Variants in TEX11 observed in about 807,000 individuals in gnomAD.
TEX11 encodes the protein testis expressed 11, also known as testis-expressed protein 11.
A neutral mutation model predicts 84.4 loss-of-function variants in TEX11; 7 were observed. The observed-to-expected ratio is 0.08, with a 90% confidence interval of 0.05 to 0.16. TEX11 has a LOEUF of 0.16. Ranked by LOEUF, TEX11 falls within the 10% of genes least tolerant of loss-of-function variation. The probability of loss-of-function intolerance (pLI) is 1.00; values close to 1 mark genes in which losing one functional copy is unlikely to be tolerated. For missense variants in TEX11, 551 were observed against 660.5 expected (o/e 0.83, Z 1.82); for synonymous variants, 264 against 222.8 (o/e 1.18, Z -1.64).
intron 8 of TEX11, among the ~76,000 whole-genome samples, chrX:70,833,085 C>T (rs1428284634): frequency 9.1e-6 from 1 of 109,644 alleles, no homozygotes; most frequent in South Asian, 3.9e-4. Flanking sequence ...GCCTGCCCAA[C>T]ATAGCAAAAC....
intron 9 of TEX11, among the ~76,000 whole-genome samples, chrX:70,785,036 A>T (rs771325991): frequency 1.8e-5 from 2 of 112,206 alleles, no homozygotes; most frequent in East Asian, 5.6e-4. Context: ...CTAAGCAAAA[A>T]GAACAAAGCT....
intron 2 of TEX11, among the ~76,000 whole-genome samples, chrX:70,892,530 C>T (rs984937371): frequency 3.6e-5 from 4 of 110,887 alleles, no homozygotes; most frequent in African/African-American, 1.3e-4. Context: ...GTCAGGAGTT[C>T]AAGACCAGCT....
At chrX:70,855,565 CA>C (rs36075950) in intron 5 of TEX11, among the ~76,000 whole-genome samples, 3,986 of 85,109 alleles carry the variant, frequency 0.047, 113 homozygotes, top group Admixed American at 0.15. Context: ...GACTCTGTCT[CA>C]AAAAAAAAAA....
chrX:70,731,922 G>A (rs972188463), intron 11 of TEX11, among the ~76,000 whole-genome samples: 1 of 111,707 alleles, frequency 9.0e-6, no homozygotes, highest in Non-Finnish European at 1.9e-5. Flanking sequence ...CTGGCAAATT[G>A]AATTCAGCAG....
At chrX:70,712,352 T>C (rs1353160481) in intron 13 of TEX11, among the ~76,000 whole-genome samples, 9 of 111,690 alleles carry the variant, frequency 8.1e-5, no homozygotes, top group Non-Finnish European at 3.8e-5. Flanking sequence ...TTGATGGGGA[T>C]TGCATTGAAT....
chrX:70,655,169 A>C (rs761227389), intron 16 of TEX11, among the ~76,000 whole-genome samples: 1 of 111,773 alleles, frequency 8.9e-6, no homozygotes, highest in East Asian at 2.8e-4. Context: ...CCATAAAGGG[A>C]TATTCCAGCA....
intron 9 of TEX11, among the ~76,000 whole-genome samples, chrX:70,791,605 G>A (rs1488680986): frequency 5.4e-5 from 6 of 111,427 alleles, no homozygotes; most frequent in African/African-American, 1.3e-4. Flanking sequence ...CCACATGTTC[G>A]GGCATAAAGC....
chrX:70,655,854 A>C (rs1047440852), intron 16 of TEX11, among the ~76,000 whole-genome samples: 1 of 111,348 alleles, frequency 9.0e-6, no homozygotes, highest in Non-Finnish European at 1.9e-5. Context: ...GTATCTATAC[A>C]ACAACAACAC....
At chrX:70,522,683 G>A in the TEX11 span, among the ~76,000 whole-genome samples, 1 of 107,932 alleles carries the variant, frequency 9.3e-6, no homozygotes, top group African/African-American at 3.4e-5. Context: ...AAAGGCATGT[G>A]CCACCATGCC....
chrX:70,851,803 T>C (rs959974912), intron 7 of TEX11, among the ~76,000 whole-genome samples: 4 of 111,355 alleles, frequency 3.6e-5, no homozygotes, highest in South Asian at 3.8e-4. Flanking sequence ...ACATGGCATA[T>C]TCATACAGTG....
intron 13 of TEX11, among the ~76,000 whole-genome samples, chrX:70,700,341 T>C (rs1405189599): frequency 8.9e-6 from 1 of 111,835 alleles, no homozygotes; most frequent in African/African-American, 3.3e-5. Context: ...AAGTCAAGTC[T>C]ACAGGTACCA....
chrX:70,852,923 T>C lies in TEX11; in HGVS notation c.525+111A>G. The C allele has an allele frequency of 6.9e-6, 5 of 729,549 alleles. No individual in the cohort carries two copies. The East Asian group carries it at 1.7e-4, about 25-fold the overall frequency. 60.1% of individuals were successfully genotyped at this position (729,549 alleles called of 1,213,427 possible). Reference sequence around the variant, plus strand: ...AGATAAAAAGGTCAAATTAATATCCTATAAAAGGCCAGTGACATCTGACTT... The same window carrying C: ...AGATAAAAAGGTCAAATTAATATCCCATAAAAGGCCAGTGACATCTGACTT... On this transcript the variant is annotated intron_variant, in intron 7 of 29. Transcript: ENST00000374333.
chrX:70,537,712 A>G (rs1365475812), intron 28 of TEX11, among the ~76,000 whole-genome samples: 1 of 111,504 alleles, frequency 9.0e-6, no homozygotes, highest in Non-Finnish European at 1.9e-5. Context: ...ACTCAATAGA[A>G]AAGTGTTGCG....
At chrX:70,600,536 C>T (rs2089086102) in intron 24 of TEX11, among the ~76,000 whole-genome samples, 1 of 110,304 alleles carries the variant, frequency 9.1e-6, no homozygotes, top group Non-Finnish European at 1.9e-5. Flanking sequence ...ATCTACAGAA[C>T]TCTCCACCCC....
At chrX:70,687,312 A>G (rs1161861974) in intron 13 of TEX11, among the ~76,000 whole-genome samples, 1 of 112,005 alleles carries the variant, frequency 8.9e-6, no homozygotes, top group Non-Finnish European at 1.9e-5. Flanking sequence ...TACTATCATT[A>G]CAGTTTAAAA....
intron 15 of TEX11, chrX:70,672,979 A>G (rs768239541): frequency 8.1e-6 from 1 of 122,798 alleles, no homozygotes; most frequent in South Asian, 2.9e-4. Flanking sequence ...CACGAGATTG[A>G]TTCTGGACTA....
intron 25 of TEX11, among the ~76,000 whole-genome samples, chrX:70,567,711 A>G (rs1408852687): frequency 3.6e-5 from 4 of 111,049 alleles, no homozygotes; most frequent in South Asian, 3.9e-4. Flanking sequence ...GTAGTTGAGC[A>G]GTTTTGAGTG....
intron 13 of TEX11, among the ~76,000 whole-genome samples, chrX:70,713,201 T>C (rs1307210107): frequency 8.9e-6 from 1 of 111,994 alleles, no homozygotes; most frequent in Non-Finnish European, 1.9e-5. Context: ...GCCAGTATTT[T>C]ATTGAGGATT....
intron 17 of TEX11, among the ~76,000 whole-genome samples, chrX:70,637,414 G>A (rs1243259159): frequency 8.9e-6 from 1 of 112,541 alleles, no homozygotes; most frequent in African/African-American, 3.2e-5. Context: ...CCATTACTGG[G>A]TATATACCCA....
Sources: gnomAD v4.1 joint callset for allele counts (sites outside exome capture counted in the v4.1 genomes callset) on GRCh38, gnomAD v4.1.1 for gene constraint, MANE v1.5 for transcripts, NCBI Gene and HGNC (gene_info 2026-07-23, HGNC 2026-07-21) for gene names.